DLC1: variants seen among roughly 807,000 people sequenced by gnomAD.
DLC1 encodes DLC1 Rho GTPase activating protein, also known as rho GTPase-activating protein 7.
Under a neutral mutation model 140.3 loss-of-function variants are expected in DLC1, and 54 were observed. The ratio of observed to expected loss-of-function variants is 0.38; its 90% CI spans 0.31 to 0.48. The LOEUF (loss-of-function observed/expected upper bound fraction) is 0.48. Among genes scored for constraint, DLC1 ranks in the 20% least tolerant of loss-of-function variants. The pLI, the probability that DLC1 is intolerant of heterozygous loss-of-function variation, is 0.96. For missense variants in DLC1, 2,536 were observed against 1,907.0 expected, an observed-to-expected ratio of 1.33 and a Z score of -6.14; for synonymous variants, 986 against 728.1, an observed-to-expected ratio of 1.35 and a Z score of -5.70.
chr8:13,598,346 A>G (rs1805750586), intron 1 of DLC1, among the ~76,000 whole-genome samples: 1 of 151,478 alleles, frequency 6.6e-6, no homozygotes, highest in Non-Finnish European at 1.5e-5. Context: ...AGGAAACACA[A>G]CAAGGGTGTC....
At chr8:13,445,754 C>A (rs1345992613) in intron 2 of DLC1, among the ~76,000 whole-genome samples, 3 of 152,134 alleles carry the variant, frequency 2.0e-5, no homozygotes, top group African/African-American at 7.2e-5. Context: ...ACAAAAGTAA[C>A]CCAGACATCT....
chr8:13,422,800 A>G, intron 2 of DLC1, among the ~76,000 whole-genome samples: 1 of 102,068 alleles, frequency 9.8e-6, no homozygotes, highest in African/African-American at 2.7e-5. Flanking sequence ...CAACCAGCTA[A>G]AAAAAAAAAG....
intron 2 of DLC1, among the ~76,000 whole-genome samples, chr8:13,436,331 G>T (rs1430489914): frequency 1.3e-5 from 2 of 152,178 alleles, no homozygotes; most frequent in East Asian, 1.9e-4. Flanking sequence ...TTTATTATTA[G>T]TCCAGCAGGT....
chr8:13,254,078 C>T (rs777955971), intron 5 of DLC1, among the ~76,000 whole-genome samples: 7 of 151,942 alleles, frequency 4.6e-5, no homozygotes, highest in Non-Finnish European at 8.8e-5. Context: ...AGGAGACCTG[C>T]TTTAGGGTTA....
intron 2 of DLC1, among the ~76,000 whole-genome samples, chr8:13,419,666 A>T (rs1838224003): frequency 6.6e-6 from 1 of 152,182 alleles, no homozygotes; most frequent in Admixed American, 6.6e-5. Context: ...ACATTGGTCT[A>T]AAATTCTCTT....
chr8:13,599,170 CAT>C (rs966731661), intron 1 of DLC1, among the ~76,000 whole-genome samples: 7 of 151,720 alleles, frequency 4.6e-5, no homozygotes, highest in South Asian at 2.1e-4. Context: ...ATACCCCTGA[CAT>C]GTGTGAATAA....
At chr8:13,401,965 T>G (rs1403842489) in intron 2 of DLC1, among the ~76,000 whole-genome samples, 1 of 152,206 alleles carries the variant, frequency 6.6e-6, no homozygotes, top group African/African-American at 2.4e-5. Context: ...ACAAATTGAT[T>G]ATTTAAAAGG....
intron 2 of DLC1, among the ~76,000 whole-genome samples, chr8:13,431,093 T>C (rs943295593): frequency 5.3e-5 from 8 of 152,206 alleles, no homozygotes; most frequent in African/African-American, 1.9e-4. Flanking sequence ...GTTGTCCTTC[T>C]CAGAAACACT....
chr8:13,185,283 GTTTT>G (rs113333274), intron 5 of DLC1, among the ~76,000 whole-genome samples: 50 of 130,836 alleles, frequency 3.8e-4, no homozygotes, highest in African/African-American at 1.4e-3. Flanking sequence ...TGTCTTTTCT[GTTTT>G]TTTTGTTTGT....
At chr8:13,104,576 G>A (rs982448019) in intron 7 of DLC1, among the ~76,000 whole-genome samples, 3 of 152,018 alleles carry the variant, frequency 2.0e-5, no homozygotes, top group African/African-American at 2.4e-5. Flanking sequence ...TTTTTCCTAC[G>A]AATTGCAATT....
At chr8:13,319,821 C>CTTTTTTTTTTTTTTTT (rs57585674) in intron 4 of DLC1, among the ~76,000 whole-genome samples, 10 of 89,000 alleles carry the variant, frequency 1.1e-4, no homozygotes, top group Admixed American at 1.8e-4. Flanking sequence ...CTCTCTCTCT[C>CTTTTTTTTTTTTTTTT]TTTTTTTTTT....
intron 2 of DLC1, among the ~76,000 whole-genome samples, chr8:13,442,968 T>C (rs1563350222): frequency 6.6e-6 from 1 of 151,990 alleles, no homozygotes; most frequent in Non-Finnish European, 1.5e-5. Flanking sequence ...TGTCCAACAA[T>C]GATAGACTGG....
chr8:13,343,887 A>C (rs920905105), intron 4 of DLC1, among the ~76,000 whole-genome samples: 2 of 152,100 alleles, frequency 1.3e-5, no homozygotes, highest in African/African-American at 4.8e-5. Context: ...ATTTCTTATC[A>C]TTTTTACATC....
At chr8:13,204,594 A>C (rs1016808202) in intron 5 of DLC1, among the ~76,000 whole-genome samples, 6 of 152,224 alleles carry the variant, frequency 3.9e-5, no homozygotes, top group Non-Finnish European at 8.8e-5. Flanking sequence ...AGAAGCAGTA[A>C]AATATTTTAT....
At chr8:13,338,121 G>A (rs1189278652) in intron 4 of DLC1, among the ~76,000 whole-genome samples, 2 of 152,114 alleles carry the variant, frequency 1.3e-5, no homozygotes, top group East Asian at 3.9e-4. Context: ...AACCTGGACT[G>A]GCTGCAATTT....
intron 5 of DLC1, among the ~76,000 whole-genome samples, chr8:13,207,379 G>T (rs111452617): frequency 8.7e-4 from 133 of 152,162 alleles, no homozygotes; most frequent in African/African-American, 2.8e-3. Flanking sequence ...TATTTTGTCC[G>T]TTTGGAGTTA....
intron 4 of DLC1, among the ~76,000 whole-genome samples, chr8:13,348,111 A>G (rs1834445165): frequency 3.1e-5 from 1 of 32,376 alleles, no homozygotes; most frequent in Non-Finnish European, 7.0e-5. Flanking sequence ...ACAAACAAAT[A>G]AACAAACAAA....
At chr8:13,102,000 C>G (rs1282888397) in intron 8 of DLC1, among the ~76,000 whole-genome samples, 1 of 152,178 alleles carries the variant, frequency 6.6e-6, no homozygotes, top group Non-Finnish European at 1.5e-5. Context: ...TTCTAGGACT[C>G]TTCTGCATAG....
At chr8:13,593,161 C>A (rs1177629021) in intron 1 of DLC1, among the ~76,000 whole-genome samples, 1 of 152,090 alleles carries the variant, frequency 6.6e-6, no homozygotes, top group Non-Finnish European at 1.5e-5. Flanking sequence ...AGAGCCATCA[C>A]CCATTTTATT....
Sources: gnomAD v4.1 joint callset for allele counts (sites outside exome capture counted in the v4.1 genomes callset) on GRCh38, gnomAD v4.1.1 for gene constraint, MANE v1.5 for transcripts, NCBI Gene and HGNC (gene_info 2026-07-23, HGNC 2026-07-21) for gene names.